The following LRRTM4 variants were observed in gnomAD, a reference collection of about 807,000 sequenced individuals.
LRRTM4 encodes leucine rich repeat transmembrane neuronal 4.
Under a neutral mutation model 47.6 loss-of-function variants are expected in LRRTM4, and 25 were observed. The observed-to-expected ratio is 0.53, with a 90% CI of 0.38 to 0.73. LRRTM4 has a LOEUF of 0.73. Among genes scored for constraint, LRRTM4 ranks in the 30% least tolerant of loss-of-function variants. The probability of loss-of-function intolerance (pLI) is 0.00; values close to 1 mark genes in which losing one functional copy is unlikely to be tolerated. For synonymous variants in LRRTM4, 311 were observed against 269.5 expected (o/e 1.15, Z -1.51); for missense variants, 638 against 713.4 (o/e 0.89, Z 1.20).
At chr2:77,331,682 T>C (rs2104252158) in intron 3 of LRRTM4, among the ~76,000 whole-genome samples, 1 of 152,236 alleles carries the variant, frequency 6.6e-6, no homozygotes, top group African/African-American at 2.4e-5. Flanking sequence ...AATCCTGATG[T>C]GGTAAGAACA....
Position 76,786,119 on chromosome 2 carries a change from C to G in LRRTM4, c.1552-37203G>C, listed in dbSNP as rs182610684. 1.2e-3 allele frequency among the ~76,000 whole-genome samples: 185 copies of G among 152,268 alleles called. 1 individual carries two copies. The highest frequency in any genetic ancestry group is 2.9e-4 in the Non-Finnish European group (20 of 68,002). On this transcript the variant is annotated intron_variant, in intron 3 of 3. Transcript: ENST00000409884. ...ACCCTCACCTCAACTTCAGCTTCAT[C>G]TGGGAACTTTGCCATAATTGATAGG...
chr2:77,305,529 T>A (rs1677248013), intron 3 of LRRTM4, among the ~76,000 whole-genome samples: 1 of 152,162 alleles, frequency 6.6e-6, no homozygotes, highest in South Asian at 2.1e-4. Context: ...AAAGTTTACA[T>A]ACATTTTGCT....
intron 3 of LRRTM4, among the ~76,000 whole-genome samples, chr2:77,469,227 C>T (rs1343043112): frequency 6.6e-6 from 1 of 152,190 alleles, no homozygotes; most frequent in Non-Finnish European, 1.5e-5. Context: ...GCAGAGTATG[C>T]CTGGGCAAAG....
At chr2:77,210,980 A>G (rs558296807) in intron 3 of LRRTM4, among the ~76,000 whole-genome samples, 50 of 152,214 alleles carry the variant, frequency 3.3e-4, no homozygotes, top group Middle Eastern at 3.4e-3. Flanking sequence ...TGGATGTGAA[A>G]GTGTAGTCAC....
chr2:77,265,798 T>C (rs992418268), intron 3 of LRRTM4, among the ~76,000 whole-genome samples: 9 of 152,188 alleles, frequency 5.9e-5, no homozygotes, highest in Non-Finnish European at 1.3e-4. Context: ...ATTACACATT[T>C]GTAAAACATA....
At chr2:77,168,347 G>C (rs1672948885) in intron 3 of LRRTM4, among the ~76,000 whole-genome samples, 1 of 151,842 alleles carries the variant, frequency 6.6e-6, no homozygotes, top group African/African-American at 2.4e-5. Context: ...CCTGTGTGCT[G>C]TGTCTCTCCT....
At chr2:77,212,946 C>A (rs1674336189) in intron 3 of LRRTM4, among the ~76,000 whole-genome samples, 2 of 152,078 alleles carry the variant, frequency 1.3e-5, no homozygotes, top group Admixed American at 1.3e-4. Context: ...ACCCACTGAT[C>A]ACATAATGAA....
chr2:77,213,682 C>G (rs963301347), intron 3 of LRRTM4, among the ~76,000 whole-genome samples: 5 of 152,110 alleles, frequency 3.3e-5, no homozygotes, highest in Non-Finnish European at 5.9e-5. Flanking sequence ...TCTATAACAT[C>G]CAACTTTAGG....
At chr2:76,846,860 G>A (rs964807237) in intron 3 of LRRTM4, among the ~76,000 whole-genome samples, 20 of 152,046 alleles carry the variant, frequency 1.3e-4, no homozygotes, top group African/African-American at 4.6e-4. Flanking sequence ...GAAAGATCAA[G>A]TGTGCATAAT....
intron 3 of LRRTM4, among the ~76,000 whole-genome samples, chr2:76,937,829 G>A (rs928296083): frequency 6.6e-6 from 1 of 152,028 alleles, no homozygotes; most frequent in African/African-American, 2.4e-5. Context: ...GGCTCCCAAA[G>A]TGCTGGGATT....
rs200124926 is a variant in LRRTM4, at chr2:77,081,459, TA to T, written c.1552-332544del. 6.3e-3 allele frequency among the ~76,000 whole-genome samples: 954 copies of T among 152,004 alleles called. 13 individuals carry two copies. Among genetic ancestry groups the T allele is most frequent in the African/African-American group, 0.022 (916 of 41,496 alleles). On this transcript the variant is annotated intron_variant, in intron 3 of 3. Coordinates refer to ENST00000409884, the MANE Select transcript of LRRTM4 (RefSeq NM_001134745.3). The stretch of plus-strand genomic sequence containing the variant: ...GAAAGTTAATGAATAGAAAATGAAA[TA>T]AAAATCACTGATATATATATTTAAA...
At chr2:77,155,559 TTA>T (rs143163545) in intron 3 of LRRTM4, among the ~76,000 whole-genome samples, 22 of 150,136 alleles carry the variant, frequency 1.5e-4, no homozygotes, top group South Asian at 2.1e-4. Context: ...TTGAATAATA[TTA>T]TATATATATA....
intron 3 of LRRTM4, among the ~76,000 whole-genome samples, chr2:77,016,334 C>A (rs1040484058): frequency 1.3e-5 from 2 of 150,520 alleles, no homozygotes; most frequent in African/African-American, 4.9e-5. Context: ...TGCAGTGAGC[C>A]CAGATCGCGC....
chr2:77,114,500 C>T (rs1205011106), intron 3 of LRRTM4, among the ~76,000 whole-genome samples: 1 of 152,130 alleles, frequency 6.6e-6, no homozygotes, highest in Non-Finnish European at 1.5e-5. Context: ...TTCTGTGGAC[C>T]AGACAGACGA....
chr2:76,920,743 G>C (rs1047132993), intron 3 of LRRTM4, among the ~76,000 whole-genome samples: 1 of 152,046 alleles, frequency 6.6e-6, no homozygotes, highest in Non-Finnish European at 1.5e-5. Context: ...AACTTATAGT[G>C]CATGGTAGAT....
chr2:76,888,100 G>A (rs1186049515), intron 3 of LRRTM4, among the ~76,000 whole-genome samples: 3 of 150,090 alleles, frequency 2.0e-5, no homozygotes, highest in Middle Eastern at 3.5e-3. Flanking sequence ...TAGTGTGTGT[G>A]TATATATACA....
At chr2:77,512,356 T>A (rs1260965258) in intron 3 of LRRTM4, among the ~76,000 whole-genome samples, 1 of 152,150 alleles carries the variant, frequency 6.6e-6, no homozygotes, top group Non-Finnish European at 1.5e-5. Flanking sequence ...TAATGGCTTA[T>A]GGAGTGCATG....
chr2:77,186,023 A>T (rs113362510), intron 3 of LRRTM4, among the ~76,000 whole-genome samples: 2,808 of 152,276 alleles, frequency 0.018, 98 homozygotes, highest in African/African-American at 0.065. Context: ...TGACACAGAA[A>T]ATCAGGTAAT....
intron 3 of LRRTM4, among the ~76,000 whole-genome samples, chr2:76,924,514 A>T (rs892467268): frequency 6.6e-6 from 1 of 152,020 alleles, no homozygotes; most frequent in Non-Finnish European, 1.5e-5. Flanking sequence ...ATATTGCTAA[A>T]CTTCCACTGT....
Sources: gnomAD v4.1 joint callset for allele counts (sites outside exome capture counted in the v4.1 genomes callset) on GRCh38, gnomAD v4.1.1 for gene constraint, MANE v1.5 for transcripts, NCBI Gene and HGNC (gene_info 2026-07-23, HGNC 2026-07-21) for gene names.